ZKSCAN2: variants seen among roughly 807,000 people sequenced by gnomAD.
ZKSCAN2 encodes the protein zinc finger protein with KRAB and SCAN domains 2.
ZKSCAN2 carries 38 observed loss-of-function variants against 90.5 expected under a neutral mutation model. That is an observed-to-expected ratio of 0.42 (90% CI 0.32 to 0.55). ZKSCAN2 has a LOEUF of 0.55. ZKSCAN2 is among the 20% of genes least tolerant of loss of function. The probability of loss-of-function intolerance (pLI) is 0.11; values close to 1 mark genes in which losing one functional copy is unlikely to be tolerated. For synonymous variants in ZKSCAN2, 429 were observed against 421.6 expected (o/e 1.02, Z -0.22); for missense variants, 1,167 against 1,202.6 (o/e 0.97, Z 0.44).
Position 25,247,170 on chromosome 16 carries a change from A to G in ZKSCAN2, c.1026T>C (p.His342=), listed in dbSNP as rs1962946472. Residue 342 remains histidine (H), a synonymous_variant, in exon 5 of 7, where the codon CAT becomes CAC. Coordinates refer to ENST00000328086, the MANE Select transcript of ZKSCAN2 (RefSeq NM_001012981.5). ...GLEDEKIAGV[H]WSYEETKTFL... The stretch of plus-strand genomic sequence containing the variant: ...AAGTCTTTGTTTCCTCATAGCTCCA[A>G]TGCACACCTGCTATCTTTTCATCTT... 1 of 1,614,142 alleles carries G rather than the reference A, an allele frequency of 6.2e-7. No homozygotes were observed. The highest frequency in any genetic ancestry group is 8.5e-7 in the Non-Finnish European group (1 of 1,180,018).
At position 25,240,553 on chromosome 16, in the gene ZKSCAN2, C is replaced by T; in HGVS notation, c.2167G>A (p.Gly723Arg). 1 of 1,614,160 alleles carries T rather than the reference C, an allele frequency of 6.2e-7. No individual in the cohort carries two copies. The highest frequency in any genetic ancestry group is 1.3e-5 in the African/African-American group (1 of 75,032). Residue 723 changes from glycine to arginine, a missense_variant, in exon 7 of 7, where the codon GGA (glycine) becomes AGA (arginine). Gly to Arg is a moderately radical substitution (Grantham distance 125). Coordinates refer to ENST00000328086, the MANE Select transcript of ZKSCAN2 (RefSeq NM_001012981.5). ...TCTCTAGGCTGAGACATCGGCTTTC[C>T]CTGTCTAATTCCTTGAAGATTTTCC... ...QWENLQGIRQGKPMSQPRDLG... is the reference protein window; with the variant it reads ...QWENLQGIRQRKPMSQPRDLG...
chr16:25,253,493 T>C (rs978098250), intron 2 of ZKSCAN2, among the ~76,000 whole-genome samples: 3 of 151,182 alleles, frequency 2.0e-5, no homozygotes, highest in African/African-American at 7.3e-5. Flanking sequence ...ACATTTGCAA[T>C]GCATTCCATC....
rs759031829 is a variant in ZKSCAN2 at position 25,244,114 on chromosome 16, C to T, written c.1652G>A (p.Arg551Gln). ...CTTCTGAAGGCTTTTGAACTTGGTT[C>T]GGCACTGTTCTGGTGTCCGGAGGAA... The part of the protein sequence containing the change: ...CGFLRTPEQC[R>Q]TKFKSLQKSY... The change falls in exon 6 of 7, where the codon CGA becomes CAA. Residue 551 changes from arginine to glutamine, a missense_variant. Coordinates refer to ENST00000328086, the MANE Select transcript of ZKSCAN2 (RefSeq NM_001012981.5). 13 of 1,614,018 alleles carry T rather than the reference C, an allele frequency of 8.1e-6. No homozygotes were observed. Among genetic ancestry groups the T allele is most frequent in the Admixed American group, 6.7e-5 (4 of 60,002 alleles).
chr16:25,249,526 C>T (rs1031488775), intron 4 of ZKSCAN2, among the ~76,000 whole-genome samples: 2 of 152,136 alleles, frequency 1.3e-5, no homozygotes, highest in African/African-American at 2.4e-5. Context: ...TTGTGATCCG[C>T]CCACCTCAGC....
In ZKSCAN2 at chr16:25,244,047, G is replaced by A. The variant is rs144470614; in HGVS notation, c.1719C>T (p.Cys573=). 38 of 1,614,052 alleles carry A rather than the reference G, an allele frequency of 2.4e-5. No individual in the cohort carries two copies. The highest frequency in any genetic ancestry group is 3.1e-5 in the Non-Finnish European group (37 of 1,180,046). The change falls in exon 6 of 7, where the codon TGC becomes TGT. Residue 573 remains cysteine, a synonymous_variant. Transcript: ENST00000328086. Reference sequence around the variant, plus strand: ...GGGCATCCATCTCCTTGTAGAACGCGCAGGACTCTAGCACGTGGCCATTTT... The same window carrying A: ...GGGCATCCATCTCCTTGTAGAACGCACAGGACTCTAGCACGTGGCCATTTT... ...KVKNGHVLES[C]AFYKEMDALI...
chr16:25,246,722 A>G lies in ZKSCAN2; in HGVS notation c.1474T>C (p.Phe492Leu). The G allele has an allele frequency of 6.2e-7, 1 of 1,614,198 alleles. No homozygotes were observed. ...KSEIHGAPVL[F>L]QNLSGVHWGY... is the part of the protein sequence containing the mutation. The stretch of plus-strand genomic sequence containing the variant: ...CAATTCTTACCACTGAGATTCTGAA[A>G]CAAGACAGGGGCACCATGGATTTCA... Residue 492 changes from phenylalanine (F) to leucine (L), a missense_variant, in exon 5 of 7, where the codon TTT becomes CTT. Transcript: ENST00000328086.
chr16:25,253,439 C>T (rs1963050535), intron 2 of ZKSCAN2, among the ~76,000 whole-genome samples: 4 of 144,570 alleles, frequency 2.8e-5, no homozygotes, highest in Admixed American at 6.9e-5. Flanking sequence ...TTTCTCCCTT[C>T]CTCTCTCTCT....
chr16:25,244,301 A>T, intron 5 of ZKSCAN2, 25 bp from the exon 6 acceptor site: 1 of 1,597,242 alleles, frequency 6.3e-7, no homozygotes, highest in Non-Finnish European at 8.5e-7. Flanking sequence ...TAAAGTTCAC[A>T]ATGTAACAAA....
chr16:25,239,925 T>TGACCAACA lies in ZKSCAN2; in HGVS notation c.2794_2795insTGTTGGTC (p.Lys932MetfsTer10), dbSNP rs1962823296. 2 of 1,614,176 alleles carry TGACCAACA rather than the reference T, an allele frequency of 1.2e-6. No homozygotes were observed. The highest frequency in any genetic ancestry group is 1.7e-6 in the Non-Finnish European group (2 of 1,180,016). ...TTCTCTCACATGAACTTCCCGATGTTTGGTAAGAACAGAACTCTTACTGAA... is the reference window on the plus strand; with the variant it reads ...TTCTCTCACATGAACTTCCCGATGTTGACCAACATGGTAAGAACAGAACTCTTACTGAA... On this transcript the variant is annotated frameshift_variant, in exon 7 of 7. Coordinates refer to ENST00000328086, the MANE Select transcript of ZKSCAN2 (RefSeq NM_001012981.5). LOFTEE classifies it low-confidence loss of function (END_TRUNC).
intron 4 of ZKSCAN2, among the ~76,000 whole-genome samples, chr16:25,247,990 T>C (rs540715287): frequency 6.6e-6 from 1 of 152,082 alleles, no homozygotes; most frequent in East Asian, 1.9e-4. Context: ...CAAGAACACA[T>C]CACTGGGAAA....
chr16:25,240,140 C>G lies in ZKSCAN2; in HGVS notation c.2580G>C (p.Gln860His). The change falls in exon 7 of 7, where the codon CAG becomes CAC. Residue 860 changes from glutamine (Q) to histidine (H), a missense_variant. Coordinates refer to ENST00000328086, the MANE Select transcript of ZKSCAN2 (RefSeq NM_001012981.5). ...TGAAACTTTTCCCACACTCTCCACA[C>G]TGATAGGGCTTCTCACCGGTGTGCG... ...QRTHTGEKPY[Q>H]CGECGKSFTN... 6.2e-7 allele frequency: 1 copy of G among 1,614,056 alleles called. No homozygotes were observed. Among genetic ancestry groups the G allele is most frequent in the Non-Finnish European group, 8.5e-7 (1 of 1,180,028 alleles).
In ZKSCAN2 at chr16:25,257,500, C is replaced by T; in HGVS notation, c.-373G>A. On this transcript the variant is annotated 5_prime_UTR_variant, in exon 1 of 7. Transcript: ENST00000328086. ...ACAGCCGGGCCGGGAGGGGGTGTGT[C>T]CGCTACTCCCGGGTCGGGCGCGGAG... The T allele has an allele frequency of 3.0e-6, 3 of 999,100 alleles. No homozygotes were observed. The South Asian group carries it at 1.4e-4, about 46-fold the overall frequency. 61.9% of individuals were successfully genotyped at this position (999,100 alleles called of 1,614,324 possible). A position where few individuals can be genotyped will look rare whatever the true frequency, so the allele number is the denominator to read the frequency against.
chr16:25,252,696 T>G (rs1253518263), intron 3 of ZKSCAN2, among the ~76,000 whole-genome samples: 1 of 152,020 alleles, frequency 6.6e-6, no homozygotes, highest in Non-Finnish European at 1.5e-5. Flanking sequence ...GGCGGGTCAC[T>G]TGAAGTCAGG....
In ZKSCAN2 at chr16:25,257,169, G is replaced by C. The variant is rs1567355601; in HGVS notation, c.-42C>G. On this transcript the variant is annotated 5_prime_UTR_variant, in exon 1 of 7. Transcript: ENST00000328086. Reference sequence around the variant, plus strand: ...CAACTTCACGTCTAGCTCAAGGTGGGGACCCAAAGAAGACTCCAAGCGCTC... The same window carrying C: ...CAACTTCACGTCTAGCTCAAGGTGGCGACCCAAAGAAGACTCCAAGCGCTC... The C allele has an allele frequency of 3.9e-6, 6 of 1,539,212 alleles. No individual in the cohort carries two copies. Among genetic ancestry groups the C allele is most frequent in the Non-Finnish European group, 5.2e-6 (6 of 1,146,018 alleles).
At chr16:25,246,486 A>G (rs947009432) in intron 5 of ZKSCAN2, 4 of 588,160 alleles carry the variant, frequency 6.8e-6, no homozygotes, top group African/African-American at 3.7e-5. Context: ...TGTGCTCTAA[A>G]GTGAAAACGA....
Position 25,256,996 on chromosome 16 carries a change from G to A in ZKSCAN2, c.132C>T (p.Phe44=), listed in dbSNP as rs201074689. 1 of 1,614,198 alleles carries A rather than the reference G, an allele frequency of 6.2e-7. No homozygotes were observed. Among genetic ancestry groups the A allele is most frequent in the Non-Finnish European group, 8.5e-7 (1 of 1,180,032 alleles). The change falls in exon 1 of 7, where the codon TTC becomes TTT. Residue 44 remains phenylalanine, a synonymous_variant. Transcript: ENST00000328086. ...ILEGSDSSET[F]RKCFRQFCYE... ...AACAGAATTGCCTGAAGCATTTGCG[G>A]AAGGTCTCAGAGCTATCCGATCCTT...
Position 25,253,035 on chromosome 16 carries a change from G to A in ZKSCAN2, c.589C>T (p.Arg197Trp), listed in dbSNP as rs762180503. The A allele has an allele frequency of 1.1e-5, 17 of 1,612,788 alleles. No homozygotes were observed. Among genetic ancestry groups the A allele is most frequent in the African/African-American group, 2.7e-5 (2 of 74,890 alleles). Residue 197 changes from arginine to tryptophan, a missense_variant and splice_region_variant, in exon 3 of 7, where the codon CGG becomes TGG. By Grantham distance (101) the Arg-to-Trp change is moderately radical (BLOSUM62 -3). Coordinates refer to ENST00000328086, the MANE Select transcript of ZKSCAN2 (RefSeq NM_001012981.5). ...AGGGCAGGAACCCAGGGAGAAGGCC[G>A]AGCTGTAAGAATAGAAAGAAACGAT... ...RERRPLPKNA[R>W]PSPWVPALAD...
Position 25,243,769 on chromosome 16 carries a change from T to C in ZKSCAN2, c.1981+16A>G, listed in dbSNP as rs778112239. 8 of 1,578,950 alleles carry C rather than the reference T, an allele frequency of 5.1e-6. No homozygotes were observed. The South Asian group carries it at 9.3e-5, about 18-fold the overall frequency. On this transcript the variant is annotated intron_variant, in intron 6 of 6. Transcript: ENST00000328086. The stretch of plus-strand genomic sequence containing the variant: ...ATTCCTCTTTTGGACTAAAACTCCT[T>C]GGTTTTGCACCTTACCATTTGGGCT...
rs1962790026 is a variant in ZKSCAN2, at chr16:25,237,639, A to G, written c.*2177T>C. 7.0e-6 allele frequency: 1 copy of G among 143,520 alleles called. No homozygotes were observed. Among genetic ancestry groups the G allele is most frequent in the African/African-American group, 2.4e-5 (1 of 40,846 alleles). The allele number at this position is 143,520 out of a possible 1,614,324, so 8.9% of individuals were successfully genotyped here. On this transcript the variant is annotated 3_prime_UTR_variant, in exon 7 of 7. Coordinates refer to ENST00000328086, the MANE Select transcript of ZKSCAN2 (RefSeq NM_001012981.5). ...CAACTTTTGCTGTGATGCTTCCTCTATCAAACTGTGAGTTCCTTGAGCCCA... is the reference window on the plus strand; with the variant it reads ...CAACTTTTGCTGTGATGCTTCCTCTGTCAAACTGTGAGTTCCTTGAGCCCA...
Sources: gnomAD v4.1 joint callset for allele counts (sites outside exome capture counted in the v4.1 genomes callset) on GRCh38, gnomAD v4.1.1 for gene constraint, MANE v1.5 for transcripts, NCBI Gene and HGNC (gene_info 2026-07-23, HGNC 2026-07-21) for gene names.